Variants in PPP2R2B observed in about 807,000 individuals in gnomAD.
PPP2R2B encodes the protein serine/threonine-protein phosphatase 2A 55 kDa regulatory subunit B beta isoform.
In PPP2R2B, 5 loss-of-function variants were observed where a neutral mutation model predicts 46.0. The ratio of observed to expected loss-of-function variants is 0.11; its 90% CI spans 0.06 to 0.23. The LOEUF (loss-of-function observed/expected upper bound fraction) is 0.23, where lower values mean the gene tolerates loss of function less well. PPP2R2B is among the 10% of genes least tolerant of loss of function. The pLI is 1.00. For missense variants in PPP2R2B, 367 were observed against 575.0 expected, an observed-to-expected ratio of 0.64 and a Z score of 3.70; for synonymous variants, 215 against 206.7, an observed-to-expected ratio of 1.04 and a Z score of -0.34.
intron 2 of PPP2R2B, among the ~76,000 whole-genome samples, chr5:146,714,918 G>A (rs533503639): frequency 5.0e-4 from 76 of 151,944 alleles, no homozygotes; most frequent in African/African-American, 1.2e-3. Flanking sequence ...TTGAAGCTGA[G>A]AGCAGAAAGG....
At chr5:146,698,282 A>G (rs1484663003) in intron 3 of PPP2R2B, 138 bp from the exon 4 acceptor site, 2 of 241,802 alleles carry the variant, frequency 8.3e-6, no homozygotes, top group Non-Finnish European at 1.5e-5. Context: ...GGGCCATGAT[A>G]GTCACTAGCA....
Position 146,588,628 on chromosome 5 carries a change from G to A in PPP2R2B, c.*1319C>T, listed in dbSNP as rs1770299550. 1 of 152,172 alleles carries A rather than the reference G, an allele frequency of 6.6e-6. No homozygotes were observed. Among genetic ancestry groups the A allele is most frequent in the South Asian group, 2.1e-4 (1 of 4,830 alleles). 9.4% of individuals were successfully genotyped at this position (152,172 alleles called of 1,614,324 possible). A position where few individuals can be genotyped will look rare whatever the true frequency, so the allele number is the denominator to read the frequency against. On this transcript the variant is annotated 3_prime_UTR_variant, in exon 10 of 10. Transcript: ENST00000394411. ...CATTTAGTGCCTTTCCTAGGGGTGT[G>A]CCACATAGAACCTTCTGGAAATGGC...
chr5:146,661,639 T>C (rs1374600606), intron 5 of PPP2R2B, among the ~76,000 whole-genome samples: 6 of 152,190 alleles, frequency 3.9e-5, no homozygotes, highest in Non-Finnish European at 8.8e-5. Flanking sequence ...AAAAATTTCA[T>C]GCTCTTTGTG....
chr5:146,591,310 G>C (rs322470), intron 9 of PPP2R2B, among the ~76,000 whole-genome samples: 1 of 152,092 alleles, frequency 6.6e-6, no homozygotes, highest in South Asian at 2.1e-4. Context: ...TTTTGGGCAC[G>C]TTGTCACCTG....
intron 2 of PPP2R2B, among the ~76,000 whole-genome samples, chr5:146,748,804 A>G (rs1189181017): frequency 6.6e-6 from 1 of 152,138 alleles, no homozygotes; most frequent in Admixed American, 6.5e-5. Flanking sequence ...GGTTGTTTCC[A>G]GTTTTTTGGT....
At chr5:146,815,375 A>G (rs185619931) in intron 2 of PPP2R2B, among the ~76,000 whole-genome samples, 1 of 152,230 alleles carries the variant, frequency 6.6e-6, no homozygotes, top group Non-Finnish European at 1.5e-5. Flanking sequence ...GCTTATTGAG[A>G]GCAGAGAGGC....
At chr5:146,841,760 C>A (rs889724490) in intron 2 of PPP2R2B, among the ~76,000 whole-genome samples, 2 of 151,994 alleles carry the variant, frequency 1.3e-5, no homozygotes, top group South Asian at 4.2e-4. Context: ...AGGAGGGGAA[C>A]AATACACACC....
At chr5:146,697,420 C>G (rs1379265958) in intron 4 of PPP2R2B, among the ~76,000 whole-genome samples, 1 of 152,172 alleles carries the variant, frequency 6.6e-6, no homozygotes, top group Non-Finnish European at 1.5e-5. Context: ...TCAACTCCTC[C>G]TCATCCAACA....
intron 2 of PPP2R2B, among the ~76,000 whole-genome samples, chr5:146,750,582 T>C (rs1426384574): frequency 6.6e-6 from 1 of 152,090 alleles, no homozygotes; most frequent in Non-Finnish European, 1.5e-5. Context: ...AATAACTCAA[T>C]CAGATGTTAA....
At chr5:146,713,716 T>C (rs1426267405) in intron 2 of PPP2R2B, among the ~76,000 whole-genome samples, 1 of 152,168 alleles carries the variant, frequency 6.6e-6, no homozygotes, top group East Asian at 1.9e-4. Context: ...GGATTGATTA[T>C]AGGGTTTGAA....
chr5:147,014,409 T>G (rs1267206873), intron 1 of PPP2R2B, among the ~76,000 whole-genome samples: 2 of 150,766 alleles, frequency 1.3e-5, no homozygotes. Flanking sequence ...TGACTATAAA[T>G]CATGCTGCTA....
intron 2 of PPP2R2B, among the ~76,000 whole-genome samples, chr5:146,840,056 CT>C (rs1262788798): frequency 2.6e-5 from 4 of 152,138 alleles, no homozygotes; most frequent in African/African-American, 9.7e-5. Context: ...TGTAGCTGAG[CT>C]AAAAGAGCAG....
At chr5:146,663,541 T>C (rs1316550859) in intron 5 of PPP2R2B, among the ~76,000 whole-genome samples, 3 of 152,170 alleles carry the variant, frequency 2.0e-5, no homozygotes, top group African/African-American at 7.2e-5. Flanking sequence ...CACAATAAAG[T>C]GAATATTGCA....
Position 147,005,391 on chromosome 5 carries a change from G to A in PPP2R2B, c.79+50274C>T, listed in dbSNP as rs532288774. Among the ~76,000 whole-genome samples, 279 of 152,334 alleles carry A rather than the reference G, an allele frequency of 1.8e-3. 1 individual carries two copies. Among genetic ancestry groups the A allele is most frequent in the Non-Finnish European group, 3.1e-3 (212 of 68,032 alleles). The stretch of plus-strand genomic sequence containing the variant: ...GCACTTACCCGAGCTTTAGAACTGG[G>A]AAAGGGAAAAAGAATAAATGTGTAT... On this transcript the variant is annotated intron_variant, in intron 1 of 8. Coordinates refer to the PPP2R2B transcript ENST00000336640.
intron 2 of PPP2R2B, among the ~76,000 whole-genome samples, chr5:146,867,407 G>C (rs943671737): frequency 6.6e-6 from 1 of 152,158 alleles, no homozygotes; most frequent in African/African-American, 2.4e-5. Context: ...AATTTAAATG[G>C]TATGTTATTT....
intron 2 of PPP2R2B, among the ~76,000 whole-genome samples, chr5:146,841,943 G>T (rs1006771351): frequency 2.6e-5 from 4 of 151,954 alleles, no homozygotes; most frequent in African/African-American, 9.7e-5. Flanking sequence ...AAAATATAAA[G>T]AAAAAAGAGA....
chr5:146,831,368 G>A (rs977956142), intron 2 of PPP2R2B, among the ~76,000 whole-genome samples: 1 of 151,702 alleles, frequency 6.6e-6, no homozygotes, highest in Non-Finnish European at 1.5e-5. Context: ...GTGGTGGCAG[G>A]TGCCTGTAAG....
chr5:147,042,812 T>C (rs1756374753), intron 1 of PPP2R2B, among the ~76,000 whole-genome samples: 1 of 152,060 alleles, frequency 6.6e-6, no homozygotes, highest in Middle Eastern at 3.4e-3. Flanking sequence ...GGTTTGTATG[T>C]AGGATGATTG....
intron 2 of PPP2R2B, among the ~76,000 whole-genome samples, chr5:146,818,510 C>T (rs1017631691): frequency 6.6e-6 from 1 of 152,154 alleles, no homozygotes; most frequent in Non-Finnish European, 1.5e-5. Flanking sequence ...CTGAGCTCTT[C>T]TTGAAAACAT....
Sources: gnomAD v4.1 joint callset for allele counts (sites outside exome capture counted in the v4.1 genomes callset) on GRCh38, gnomAD v4.1.1 for gene constraint, MANE v1.5 for transcripts, NCBI Gene and HGNC (gene_info 2026-07-23, HGNC 2026-07-21) for gene names.